The following SMC4 variants were observed in gnomAD, a reference collection of about 807,000 sequenced individuals.
SMC4 encodes structural maintenance of chromosomes 4.
SMC4 carries 87 observed loss-of-function variants against 145.6 expected under a neutral mutation model. The ratio of observed to expected loss-of-function variants is 0.60; its 90% CI spans 0.50 to 0.71. SMC4 has a LOEUF of 0.71. SMC4 is among the 30% of genes least tolerant of loss of function. SMC4 has a pLI of 0.00. For missense variants in SMC4, 1,447 were observed against 1,537.1 expected, an observed-to-expected ratio of 0.94 and a Z score of 0.98; for synonymous variants, 558 against 500.7, an observed-to-expected ratio of 1.11 and a Z score of -1.53.
At chr3:160,432,228 A>C in intron 21 of SMC4, 55 bp from the exon 22 acceptor site, 1 of 1,286,338 alleles carries the variant, frequency 7.8e-7, no homozygotes, top group Non-Finnish European at 1.1e-6. Context: ...TAACAATGCT[A>C]ATTATCATAT....
intron 18 of SMC4, among the ~76,000 whole-genome samples, chr3:160,429,518 A>T (rs964232638): frequency 1.3e-5 from 2 of 150,516 alleles, no homozygotes; most frequent in African/African-American, 4.9e-5. Flanking sequence ...TAATTTTTGT[A>T]TTTTTTTTGT....
At chr3:160,413,720 C>T in intron 8 of SMC4, 107 bp downstream of exon 8, 1 of 666,456 alleles carries the variant, frequency 1.5e-6, no homozygotes, top group Non-Finnish European at 2.3e-6. Context: ...CATTTGCCAG[C>T]ATATCAAGTG....
intron 13 of SMC4, 65 bp from the exon 14 acceptor site, chr3:160,423,360 T>A (rs563064992): frequency 2.8e-6 from 2 of 713,202 alleles, no homozygotes; most frequent in Non-Finnish European, 4.0e-6. Context: ...TTTTTTTTTG[T>A]TTTTTTTTTT....
rs561800646 is a variant in SMC4 at position 160,431,899 on chromosome 3, T to C, written c.3297+74T>C. On this transcript the variant is annotated intron_variant, in intron 21 of 23. Coordinates refer to ENST00000357388, the MANE Select transcript of SMC4 (RefSeq NM_001002800.3). Reference sequence around the variant, plus strand: ...TAGCCTAAATTCTGATCTTTAGTTTTGTATAATTAACAATGCTGTTGGCCG... The same window carrying C: ...TAGCCTAAATTCTGATCTTTAGTTTCGTATAATTAACAATGCTGTTGGCCG... 16 of 1,463,700 alleles carry C rather than the reference T, an allele frequency of 1.1e-5. No homozygotes were observed. The Admixed American group carries it at 1.4e-4, about 12-fold the overall frequency. The allele number at this position is 1,463,700 out of a possible 1,614,324, so 90.7% of individuals were successfully genotyped here. A position where few individuals can be genotyped will look rare whatever the true frequency, so the allele number is the denominator to read the frequency against.
At position 160,414,110 on chromosome 3, in the gene SMC4, A is replaced by G. The variant is rs551458643; in HGVS notation, c.1122-257A>G. On this transcript the variant is annotated intron_variant, in intron 8 of 23. Coordinates refer to ENST00000357388, the MANE Select transcript of SMC4 (RefSeq NM_001002800.3). Reference sequence around the variant, plus strand: ...TTTACTCCTATGGTAAAATTTTTATATACCTAGACATTGTAGTCACTGGAA... The same window carrying G: ...TTTACTCCTATGGTAAAATTTTTATGTACCTAGACATTGTAGTCACTGGAA... 2.6e-5 allele frequency: 12 copies of G among 463,338 alleles called. No homozygotes were observed. In the East Asian group the frequency reaches 6.6e-4, roughly 26 times the overall value. The allele number at this position is 463,338 out of a possible 1,614,324, so 28.7% of individuals were successfully genotyped here. A position where few individuals can be genotyped will look rare whatever the true frequency, so the allele number is the denominator to read the frequency against.
chr3:160,431,536 AACTCCT>A lies in SMC4; in HGVS notation c.3115-106_3115-101del, dbSNP rs1264358329. 3 of 866,308 alleles carry A rather than the reference AACTCCT, an allele frequency of 3.5e-6. No individual in the cohort carries two copies. The Admixed American group carries it at 8.6e-5, about 25-fold the overall frequency. The allele number at this position is 866,308 out of a possible 1,614,324, so 53.7% of individuals were successfully genotyped here. A position where few individuals can be genotyped will look rare whatever the true frequency, so the allele number is the denominator to read the frequency against. Reference sequence around the variant, plus strand: ...GAAAAATAATTGATAAATCAGTCACAACTCCTGTTGTTTTCATAGCTGTGTAATTTG... The same window carrying A: ...GAAAAATAATTGATAAATCAGTCACAGTTGTTTTCATAGCTGTGTAATTTG... On this transcript the variant is annotated intron_variant, in intron 20 of 23. Transcript: ENST00000357388.
intron 5 of SMC4, among the ~76,000 whole-genome samples, chr3:160,408,561 G>C (rs996892323): frequency 2.0e-5 from 3 of 152,220 alleles, no homozygotes; most frequent in African/African-American, 7.2e-5. Flanking sequence ...GTCTGTGATT[G>C]TGCCAGTCAC....
Position 160,404,318 on chromosome 3 carries a change from C to T in SMC4, c.511-10C>T. 1 of 1,589,368 alleles carries T rather than the reference C, an allele frequency of 6.3e-7. No homozygotes were observed. Among genetic ancestry groups the T allele is most frequent in the Non-Finnish European group, 8.5e-7 (1 of 1,173,762 alleles). On this transcript the variant is annotated splice_polypyrimidine_tract_variant and intron_variant, in intron 4 of 23. Coordinates refer to ENST00000357388, the MANE Select transcript of SMC4 (RefSeq NM_001002800.3). ...CAATTGTTTTCTGGTTTTGTTTTTC[C>T]TCAAAACAGGAAGGGGATGATTATG... is the stretch of plus-strand genomic sequence containing the variant.
At chr3:160,405,325 A>G (rs1410706830) in intron 5 of SMC4, among the ~76,000 whole-genome samples, 1 of 151,562 alleles carries the variant, frequency 6.6e-6, no homozygotes, top group Admixed American at 6.6e-5. Flanking sequence ...TTCGGAAAAA[A>G]AAAAAATTAG....
intron 14 of SMC4, 37 bp downstream of exon 14, chr3:160,423,687 C>T (rs576642167): frequency 1.2e-4 from 181 of 1,459,360 alleles, no homozygotes; most frequent in South Asian, 1.4e-4. Flanking sequence ...GTTTTTTTTT[C>T]CCCCCACAGC....
intron 17 of SMC4, among the ~76,000 whole-genome samples, chr3:160,426,744 T>C (rs1717836310): frequency 6.6e-6 from 1 of 152,202 alleles, no homozygotes; most frequent in African/African-American, 2.4e-5. Flanking sequence ...AATCCCCTGA[T>C]CATGCACTTG....
At chr3:160,400,616 C>T (rs551220599) in intron 1 of SMC4, 2 of 537,968 alleles carry the variant, frequency 3.7e-6, no homozygotes, top group African/African-American at 2.0e-5. Context: ...CTAGATTTTC[C>T]CACTTACATA....
chr3:160,415,395 A>G (rs1716475372), intron 9 of SMC4, among the ~76,000 whole-genome samples: 1 of 152,182 alleles, frequency 6.6e-6, no homozygotes, highest in Admixed American at 6.5e-5. Context: ...ATAATTTGGA[A>G]TCTCTTAAGC....
rs577144697 is a variant in SMC4 at position 160,404,130 on chromosome 3, G to A, written c.511-198G>A. 8.2e-6 allele frequency: 4 copies of A among 486,102 alleles called. No individual in the cohort carries two copies. In the East Asian group the frequency reaches 1.5e-4, roughly 18 times the overall value. The allele number at this position is 486,102 out of a possible 1,614,324, so 30.1% of individuals were successfully genotyped here. A position where few individuals can be genotyped will look rare whatever the true frequency, so the allele number is the denominator to read the frequency against. On this transcript the variant is annotated intron_variant, in intron 4 of 23. Transcript: ENST00000357388. Reference sequence around the variant, plus strand: ...CTTGATTTTTGTGATCTTTGAGAAAGGGACCAAAACAGCATGGAAAAGTAT... The same window carrying A: ...CTTGATTTTTGTGATCTTTGAGAAAAGGACCAAAACAGCATGGAAAAGTAT...
At chr3:160,421,555 C>T (rs1717179632) in intron 13 of SMC4, among the ~76,000 whole-genome samples, 1 of 151,970 alleles carries the variant, frequency 6.6e-6, no homozygotes, top group East Asian at 2.0e-4. Context: ...ACCAGCCTGG[C>T]CAACATGGCG....
chr3:160,430,958 TC>T (rs1358658828), intron 19 of SMC4, 73 bp from the exon 20 acceptor site: 1 of 1,438,244 alleles, frequency 7.0e-7, no homozygotes, highest in Admixed American at 2.4e-5. Flanking sequence ...GATTGGTAAT[TC>T]CTTCATCTCT....
chr3:160,404,711 TGTTC>T (rs1170015040), intron 5 of SMC4: 1 of 703,076 alleles, frequency 1.4e-6, no homozygotes, highest in Admixed American at 1.8e-5. Flanking sequence ...CATCATCAGA[TGTTC>T]GTTTTATGTT....
chr3:160,432,817 C>G, intron 22 of SMC4: 1 of 543,068 alleles, frequency 1.8e-6, no homozygotes, highest in Admixed American at 3.2e-5. Context: ...TTAGCTTGCT[C>G]TTTAAATCTT....
rs1718828615 is a variant in SMC4, at chr3:160,434,934, T to TAAAG, written c.*1127_*1130dup. On this transcript the variant is annotated 3_prime_UTR_variant, in exon 24 of 24. Transcript: ENST00000357388. ...CACATTATTAGCATGGACTTTTAAA[T>TAAAG]AAAGATTTAAAGAAAGCAAGATCGG... is the stretch of plus-strand genomic sequence containing the variant. 6.6e-6 allele frequency: 1 copy of TAAAG among 152,170 alleles called. No homozygotes were observed. The highest frequency in any genetic ancestry group is 2.4e-5 in the African/African-American group (1 of 41,436). The allele number at this position is 152,170 out of a possible 1,614,324, so 9.4% of individuals were successfully genotyped here. A position where few individuals can be genotyped will look rare whatever the true frequency, so the allele number is the denominator to read the frequency against.
Sources: allele counts gnomAD v4.1 joint callset (sites outside exome capture counted in the v4.1 genomes callset), GRCh38; gene constraint gnomAD v4.1.1; transcripts MANE v1.5; gene names NCBI Gene and HGNC (gene_info 2026-07-23, HGNC 2026-07-21).